The following METTL24 variants were observed in gnomAD, a reference collection of about 807,000 sequenced individuals.
METTL24 encodes the protein methyltransferase like 24.
In METTL24, 29 loss-of-function variants were observed where a neutral mutation model predicts 32.7. That is an observed-to-expected ratio of 0.89 (90% CI 0.66 to 1.21). The LOEUF is 1.21. METTL24 is among the 50% of genes most tolerant of loss of function. The pLI is 0.00. For missense variants in METTL24, 439 were observed against 468.1 expected, an observed-to-expected ratio of 0.94 and a Z score of 0.57; for synonymous variants, 163 against 179.5, an observed-to-expected ratio of 0.91 and a Z score of 0.73.
intron 4 of METTL24, among the ~76,000 whole-genome samples, chr6:110,261,305 A>AG (rs34099458): frequency 0.08 from 12,196 of 152,084 alleles, 517 homozygotes; most frequent in South Asian, 0.16. Flanking sequence ...AAAAAAAGGC[A>AG]GGGTTGCAAT....
At chr6:110,298,117 A>G (rs1178048718) in intron 4 of METTL24, among the ~76,000 whole-genome samples, 2 of 152,222 alleles carry the variant, frequency 1.3e-5, no homozygotes, top group Non-Finnish European at 1.5e-5. Flanking sequence ...CTGTTTCTCA[A>G]ACAGAAACAC....
chr6:110,246,890 A>G lies in METTL24; in HGVS notation c.787-630T>C, dbSNP rs142741277. ...ATTGAGTATCTGAATATTGGACTAT[A>G]AAAAAATAATATTATTATTCTATGA... On this transcript the variant is annotated intron_variant, in intron 4 of 4. Transcript: ENST00000338882. Among the ~76,000 whole-genome samples the G allele has an allele frequency of 1.2e-4, 19 of 152,062 alleles. No homozygotes were observed. The East Asian group carries it at 3.3e-3, about 26-fold the overall frequency.
At chr6:110,318,370 G>A (rs192184609) in intron 2 of METTL24, among the ~76,000 whole-genome samples, 26 of 152,214 alleles carry the variant, frequency 1.7e-4, no homozygotes, top group Admixed American at 1.4e-3. Context: ...CACAAGGGCC[G>A]GGCGTGGTGG....
intron 4 of METTL24, among the ~76,000 whole-genome samples, chr6:110,286,878 C>T (rs1771230764): frequency 6.6e-6 from 1 of 152,186 alleles, no homozygotes; most frequent in East Asian, 1.9e-4. Context: ...ATGCTTCATG[C>T]GCTTGAACGT....
At chr6:110,248,002 G>A (rs1195091165) in intron 4 of METTL24, among the ~76,000 whole-genome samples, 2 of 152,134 alleles carry the variant, frequency 1.3e-5, no homozygotes, top group South Asian at 2.1e-4. Context: ...CTGTCCTCGA[G>A]ATAGTGAGTG....
intron 4 of METTL24, among the ~76,000 whole-genome samples, chr6:110,268,716 C>T (rs1770903228): frequency 6.6e-6 from 1 of 152,020 alleles, no homozygotes; most frequent in Admixed American, 6.6e-5. Context: ...TTCTGTATGA[C>T]CAAATGGCAT....
chr6:110,293,506 T>C (rs57228333), intron 4 of METTL24, among the ~76,000 whole-genome samples: 21,285 of 151,906 alleles, frequency 0.14, 3,173 homozygotes, highest in African/African-American at 0.38. Flanking sequence ...TACCATCATA[T>C]TGTCTTCAAT....
intron 3 of METTL24, among the ~76,000 whole-genome samples, chr6:110,301,752 C>T (rs1195964119): frequency 1.3e-5 from 2 of 152,148 alleles, no homozygotes; most frequent in African/African-American, 4.8e-5. Context: ...AGTGATTACA[C>T]AACCAATAGC....
chr6:110,304,505 G>A (rs183564573), intron 3 of METTL24, among the ~76,000 whole-genome samples: 1 of 152,260 alleles, frequency 6.6e-6, no homozygotes, highest in East Asian at 1.9e-4. Flanking sequence ...AACACAGCAC[G>A]AGAACTTCAT....
chr6:110,293,812 G>A (rs932898670), intron 4 of METTL24, among the ~76,000 whole-genome samples: 1 of 151,824 alleles, frequency 6.6e-6, no homozygotes, highest in African/African-American at 2.4e-5. Flanking sequence ...GAAATGTTCT[G>A]TATCTGGAAT....
chr6:110,356,100 A>G (rs1417662999), intron 1 of METTL24, among the ~76,000 whole-genome samples: 1 of 141,360 alleles, frequency 7.1e-6, no homozygotes, highest in African/African-American at 2.8e-5. Context: ...TCAAGGATGG[A>G]ACATTGAGGA....
At chr6:110,259,415 G>T (rs567113400) in intron 4 of METTL24, among the ~76,000 whole-genome samples, 1 of 152,198 alleles carries the variant, frequency 6.6e-6, no homozygotes, top group African/African-American at 2.4e-5. Context: ...GGTGAGGCTG[G>T]GGGAGGGGCA....
At chr6:110,352,588 CAT>C (rs1334008141) in intron 1 of METTL24, among the ~76,000 whole-genome samples, 2 of 137,016 alleles carry the variant, frequency 1.5e-5, no homozygotes, top group African/African-American at 2.6e-5. Flanking sequence ...AGCAAATTTT[CAT>C]ATCTTTTTTT....
intron 1 of METTL24, among the ~76,000 whole-genome samples, chr6:110,337,654 G>A (rs1031420850): frequency 2.0e-5 from 3 of 152,098 alleles, no homozygotes; most frequent in Non-Finnish European, 2.9e-5. Context: ...TAGACCATAA[G>A]GAAATTCCAG....
At position 110,293,192 on chromosome 6, in the gene METTL24, A is replaced by G. The variant is rs545241554; in HGVS notation, c.786+5730T>C. The stretch of plus-strand genomic sequence containing the variant: ...AGTAGATTAACATAAGAAAGGGTTA[A>G]TCATTATGATGGTGAGCATTTACAT... On this transcript the variant is annotated intron_variant, in intron 4 of 4. Transcript: ENST00000338882. Among the ~76,000 whole-genome samples the G allele has an allele frequency of 1.7e-4, 26 of 152,186 alleles. No homozygotes were observed. In the East Asian group the frequency reaches 4.4e-3, roughly 26 times the overall value.
intron 1 of METTL24, among the ~76,000 whole-genome samples, chr6:110,337,042 C>T (rs1026802992): frequency 1.3e-5 from 2 of 152,146 alleles, no homozygotes; most frequent in African/African-American, 2.4e-5. Flanking sequence ...GAGTGACAGG[C>T]TGGATAAAGA....
At chr6:110,275,561 C>T (rs1311986481) in intron 4 of METTL24, among the ~76,000 whole-genome samples, 1 of 152,122 alleles carries the variant, frequency 6.6e-6, no homozygotes, top group Non-Finnish European at 1.5e-5. Context: ...TGTGGTGGCA[C>T]CAAGTACTTT....
chr6:110,329,624 G>A (rs1772078671), intron 1 of METTL24, among the ~76,000 whole-genome samples: 2 of 152,140 alleles, frequency 1.3e-5, no homozygotes, highest in Non-Finnish European at 2.9e-5. Context: ...CTCAGTGTGT[G>A]CCCAGCGCTT....
intron 4 of METTL24, among the ~76,000 whole-genome samples, chr6:110,246,775 T>C (rs1386315244): frequency 1.3e-5 from 2 of 151,966 alleles, no homozygotes; most frequent in African/African-American, 4.8e-5. Context: ...AGAAAGGAAG[T>C]GACAAAGGGC....
Sources: allele counts gnomAD v4.1 joint callset (sites outside exome capture counted in the v4.1 genomes callset), GRCh38; gene constraint gnomAD v4.1.1; transcripts MANE v1.5; gene names NCBI Gene and HGNC (gene_info 2026-07-23, HGNC 2026-07-21).